The following ABI1 variants were observed in gnomAD, a reference collection of about 807,000 sequenced individuals.
The protein encoded by ABI1 is abl interactor 1.
ABI1 carries 14 observed loss-of-function variants against 54.6 expected under a neutral mutation model. That is an observed-to-expected ratio of 0.26 (90% CI 0.17 to 0.40). The LOEUF is 0.40. ABI1 is among the 10% of genes least tolerant of loss of function. The pLI is 1.00. For synonymous variants in ABI1, 194 were observed against 209.3 expected, an observed-to-expected ratio of 0.93 and a Z score of 0.63; for missense variants, 443 against 598.3, an observed-to-expected ratio of 0.74 and a Z score of 2.71.
chr10:26,843,987 G>A (rs779219072), intron 1 of ABI1, among the ~76,000 whole-genome samples: 1 of 152,184 alleles, frequency 6.6e-6, no homozygotes, highest in Non-Finnish European at 1.5e-5. Context: ...TCAGGACATA[G>A]CAAAAGCACA....
intron 1 of ABI1, among the ~76,000 whole-genome samples, chr10:26,830,569 G>A (rs1034598561): frequency 6.7e-6 from 1 of 148,938 alleles, no homozygotes; most frequent in Non-Finnish European, 1.5e-5. Context: ...GCAATGAGCT[G>A]TGATTGCACC....
chr10:26,779,231 T>C (rs562780423), intron 2 of ABI1, among the ~76,000 whole-genome samples: 1 of 152,228 alleles, frequency 6.6e-6, no homozygotes, highest in Middle Eastern at 3.2e-3. Flanking sequence ...TTAACCAACA[T>C]GTTGTCCAAA....
intron 3 of ABI1, among the ~76,000 whole-genome samples, chr10:26,775,359 C>T (rs1002244643): frequency 6.6e-6 from 1 of 152,046 alleles, no homozygotes; most frequent in South Asian, 2.1e-4. Context: ...ACCTTCATCC[C>T]TCGCCAAAAA....
intron 2 of ABI1, among the ~76,000 whole-genome samples, chr10:26,785,040 G>C (rs934567303): frequency 3.3e-5 from 5 of 152,196 alleles, no homozygotes; most frequent in African/African-American, 1.2e-4. Flanking sequence ...GAGCATAATT[G>C]AAGTCAATAT....
At chr10:26,802,182 A>G (rs2046608154) in intron 2 of ABI1, among the ~76,000 whole-genome samples, 1 of 152,250 alleles carries the variant, frequency 6.6e-6, no homozygotes, top group Non-Finnish European at 1.5e-5. Context: ...GTCTAAGAAG[A>G]GTTAGGACAA....
rs777921548 is a variant in ABI1, at chr10:26,759,225, T to C, written c.834A>G (p.Ser278=). ...TTGTGCCATACTGGGAACCAGGAGC[T>C]GAGCCCGGGGCTGCTGAAAAGCATT... The part of the protein sequence containing the change: ...PPTIGPAAPG[S]APGSQYGTMT... The change falls in exon 8 of 11, where the codon TCA becomes TCG. Residue 278 remains serine, a synonymous_variant. Coordinates refer to ENST00000376140, the MANE Select transcript of ABI1 (RefSeq NM_001012750.3). 5.0e-6 allele frequency: 8 copies of C among 1,613,852 alleles called. No homozygotes were observed. The highest frequency in any genetic ancestry group is 1.7e-5 in the Admixed American group (1 of 59,952).
At chr10:26,843,317 G>A (rs1040443440) in intron 1 of ABI1, among the ~76,000 whole-genome samples, 3 of 150,438 alleles carry the variant, frequency 2.0e-5, no homozygotes, top group Non-Finnish European at 4.4e-5. Context: ...GCCGGGGTGT[G>A]GTGGCATGCA....
At chr10:26,760,764 CCTGTAATCCCAGCTA>C (rs1173543704) in intron 7 of ABI1, among the ~76,000 whole-genome samples, 1 of 151,850 alleles carries the variant, frequency 6.6e-6, no homozygotes, top group Non-Finnish European at 1.5e-5. Context: ...GAGGCATATG[CCTGTAATCCCAGCTA>C]CTCGGGAGGT....
At position 26,765,286 on chromosome 10, in the gene ABI1, T is replaced by C. The variant is rs760337805; in HGVS notation, c.752A>G (p.Asn251Ser). ...AATGCCAATACTACTGCTACCACTG[T>C]TTTCTCGACTTCCACTTCCTCCACT... Reference protein sequence around the residue: ...GSSGGSGSRENSGSSSIGIPI... With the variant: ...GSSGGSGSRESSGSSSIGIPI... The change falls in exon 7 of 11, where the codon AAC becomes AGC. Residue 251 changes from asparagine to serine, a missense_variant. Asn to Ser is a conservative substitution (Grantham distance 46). Transcript: ENST00000376140. The C allele has an allele frequency of 1.9e-6, 3 of 1,592,344 alleles. No individual in the cohort carries two copies. The highest frequency in any genetic ancestry group is 2.6e-6 in the Non-Finnish European group (3 of 1,174,324).
intron 2 of ABI1, among the ~76,000 whole-genome samples, chr10:26,812,738 C>T (rs1483407678): frequency 6.6e-6 from 1 of 152,114 alleles, no homozygotes; most frequent in African/African-American, 2.4e-5. Flanking sequence ...CTTCTCTTTG[C>T]GTCTTCACCC....
chr10:26,854,039 A>G (rs1369327059), intron 1 of ABI1, among the ~76,000 whole-genome samples: 2 of 152,214 alleles, frequency 1.3e-5, no homozygotes, highest in African/African-American at 2.4e-5. Context: ...GTAAATGGTC[A>G]CACAGCAGAT....
At chr10:26,847,165 TTATAAA>T (rs1390697326) in intron 1 of ABI1, among the ~76,000 whole-genome samples, 6 of 152,338 alleles carry the variant, frequency 3.9e-5, no homozygotes, top group African/African-American at 1.4e-4. Context: ...ATACATATAA[TTATAAA>T]TATATTTCAT....
At chr10:26,843,588 T>C (rs1411219561) in intron 1 of ABI1, among the ~76,000 whole-genome samples, 1 of 146,952 alleles carries the variant, frequency 6.8e-6, no homozygotes, top group Non-Finnish European at 1.5e-5. Context: ...CTCAGTGATG[T>C]AAATATTAAT....
At chr10:26,762,043 G>C (rs1839302756) in intron 7 of ABI1, among the ~76,000 whole-genome samples, 1 of 152,066 alleles carries the variant, frequency 6.6e-6, no homozygotes, top group African/African-American at 2.4e-5. Flanking sequence ...GTCTCACTCT[G>C]TCACCCAGGC....
chr10:26,860,633 T>G lies in ABI1; in HGVS notation c.117+114A>C. 1.2e-6 allele frequency: 1 copy of G among 813,568 alleles called. No individual in the cohort carries two copies. The highest frequency in any genetic ancestry group is 1.7e-5 in the African/African-American group (1 of 59,608). The allele number at this position is 813,568 out of a possible 1,614,324, so 50.4% of individuals were successfully genotyped here. A position where few individuals can be genotyped will look rare whatever the true frequency, so the allele number is the denominator to read the frequency against. On this transcript the variant is annotated intron_variant, in intron 1 of 10. Coordinates refer to ENST00000376140, the MANE Select transcript of ABI1 (RefSeq NM_001012750.3). This position sits in a 1 kb window ranked among gnomAD's most constrained non-coding sequence, Gnocchi z 4.1. ...CTGGGGTTGGGGCTGCGGTAGGGGC[T>G]CGGGTTGGTGGCAGCCGCTGAGGTC...
chr10:26,832,585 A>AAAAAT (rs1242532651), intron 1 of ABI1, among the ~76,000 whole-genome samples: 2 of 152,110 alleles, frequency 1.3e-5, no homozygotes, highest in East Asian at 1.9e-4. Flanking sequence ...CTCCATCTCA[A>AAAAAT]AAAATAAAAT....
At chr10:26,762,359 T>C (rs1440379004) in intron 7 of ABI1, among the ~76,000 whole-genome samples, 1 of 152,068 alleles carries the variant, frequency 6.6e-6, no homozygotes, top group East Asian at 1.9e-4. Context: ...GAAACTCCCA[T>C]CCTCAAGAGT....
Position 26,748,548 on chromosome 10 carries a change from T to C in ABI1, c.*22A>G. The C allele has an allele frequency of 1.3e-6, 2 of 1,565,198 alleles. No homozygotes were observed. The highest frequency in any genetic ancestry group is 1.7e-6 in the Non-Finnish European group (2 of 1,149,970). ...ACAGTATGACTGAGTAATAAGAATC[T>C]ACTTCAAAAGAAAAAAAAAAATTAA... On this transcript the variant is annotated 3_prime_UTR_variant, in exon 11 of 11. Coordinates refer to ENST00000376140, the MANE Select transcript of ABI1 (RefSeq NM_001012750.3).
intron 2 of ABI1, among the ~76,000 whole-genome samples, chr10:26,787,934 G>C (rs1842911184): frequency 6.6e-6 from 1 of 150,772 alleles, no homozygotes. Flanking sequence ...TTTGCTTATT[G>C]GATATAACAT....
Sources: gnomAD v4.1 joint callset for allele counts (sites outside exome capture counted in the v4.1 genomes callset) on GRCh38, gnomAD v4.1.1 for gene constraint, Gnocchi (gnomAD v3.1) non-coding constraint, MANE v1.5 for transcripts, NCBI Gene and HGNC (gene_info 2026-07-23, HGNC 2026-07-21) for gene names.